The following RIN3 variants were observed in gnomAD, a reference collection of about 807,000 sequenced individuals.
RIN3 encodes the protein Ras and Rab interactor 3.
RIN3 carries 54 observed loss-of-function variants against 76.3 expected under a neutral mutation model. The observed-to-expected ratio is 0.71, with a 90% confidence interval of 0.57 to 0.89. The LOEUF (loss-of-function observed/expected upper bound fraction) is 0.89, where lower values mean the gene tolerates loss of function less well. RIN3 is among the 40% of genes least tolerant of loss of function. RIN3 has a pLI of 0.00. For missense variants in RIN3, 1,256 were observed against 1,322.1 expected (o/e 0.95, Z 0.78); for synonymous variants, 576 against 564.0 (o/e 1.02, Z -0.30).
chr14:92,606,701 C>G (rs1020758853), intron 3 of RIN3, among the ~76,000 whole-genome samples: 3 of 152,072 alleles, frequency 2.0e-5, no homozygotes, highest in African/African-American at 4.8e-5. Flanking sequence ...AAAAAACCAC[C>G]ATGAGATACA....
chr14:92,535,491 A>G (rs1222656609), intron 1 of RIN3, among the ~76,000 whole-genome samples: 3 of 151,364 alleles, frequency 2.0e-5, no homozygotes, highest in Non-Finnish European at 4.4e-5. Flanking sequence ...ACTGCATTCA[A>G]TTTTATCAGT....
At chr14:92,581,397 C>G (rs1898432744) in intron 3 of RIN3, among the ~76,000 whole-genome samples, 1 of 152,192 alleles carries the variant, frequency 6.6e-6, no homozygotes, top group African/African-American at 2.4e-5. Context: ...CAGCTGTGCT[C>G]TTGAATTTCC....
chr14:92,611,867 A>C (rs1273356463), intron 3 of RIN3, among the ~76,000 whole-genome samples: 1 of 152,174 alleles, frequency 6.6e-6, no homozygotes, highest in Non-Finnish European at 1.5e-5. Context: ...GCTGTACAGG[A>C]AGCATGATGC....
At chr14:92,557,440 C>T (rs1170527424) in intron 2 of RIN3, among the ~76,000 whole-genome samples, 2 of 152,248 alleles carry the variant, frequency 1.3e-5, no homozygotes, top group Non-Finnish European at 1.5e-5. Context: ...GATGGTCTCT[C>T]CCCTGCTGTG....
At chr14:92,520,617 G>C (rs59611272) in intron 1 of RIN3, among the ~76,000 whole-genome samples, 10,096 of 152,286 alleles carry the variant, frequency 0.066, 1,131 homozygotes, top group African/African-American at 0.23. Flanking sequence ...GAGAGGGGTG[G>C]ACAGAGGGCA....
At position 92,651,885 on chromosome 14, in the gene RIN3, G is replaced by A. The variant is rs148556236; in HGVS notation, c.836G>A (p.Arg279His). 1,631 of 1,412,532 alleles carry A rather than the reference G, an allele frequency of 1.2e-3. 9 individuals are homozygous for A. The highest frequency in any genetic ancestry group is 8.1e-3 in the South Asian group (651 of 80,200). 87.5% of individuals were successfully genotyped at this position (1,412,532 alleles called of 1,614,324 possible). ...CCCACCTCCAGGTGGGCCCCACGCCGCCCACCACCCCCTCCCCCAGTGCTG... is the reference window on the plus strand; with the variant it reads ...CCCACCTCCAGGTGGGCCCCACGCCACCCACCACCCCCTCCCCCAGTGCTG... The part of the protein sequence containing the change: ...TSPTSRWAPR[R>H]PPPPPPVLPL... Residue 279 changes from arginine (R) to histidine (H), a missense_variant, in exon 6 of 10, where the codon CGC becomes CAC. Arg to His is a conservative substitution (Grantham distance 29). Coordinates refer to ENST00000216487, the MANE Select transcript of RIN3 (RefSeq NM_024832.5).
intron 1 of RIN3, among the ~76,000 whole-genome samples, chr14:92,523,640 C>T (rs889393139): frequency 6.6e-6 from 1 of 151,744 alleles, no homozygotes; most frequent in Non-Finnish European, 1.5e-5. Context: ...GCTCTTGTTT[C>T]AAGGACTAGA....
chr14:92,546,609 C>G (rs1897271608), intron 1 of RIN3, among the ~76,000 whole-genome samples: 1 of 152,164 alleles, frequency 6.6e-6, no homozygotes, highest in Non-Finnish European at 1.5e-5. Context: ...CGCGGGTGTT[C>G]AGGGAATGGG....
chr14:92,684,922 C>A, intron 8 of RIN3, 65 bp from the exon 9 acceptor site: 1 of 1,550,296 alleles, frequency 6.5e-7, no homozygotes, highest in South Asian at 1.2e-5. Flanking sequence ...TGGGGCAGGC[C>A]AAGCTCCTTG....
chr14:92,581,788 G>T (rs1884550542), intron 3 of RIN3, among the ~76,000 whole-genome samples: 1 of 152,198 alleles, frequency 6.6e-6, no homozygotes, highest in South Asian at 2.1e-4. Flanking sequence ...CAAAACTATT[G>T]CAATAAAGAC....
At chr14:92,539,988 G>C (rs1281879774) in intron 1 of RIN3, among the ~76,000 whole-genome samples, 2 of 152,226 alleles carry the variant, frequency 1.3e-5, no homozygotes, top group African/African-American at 4.8e-5. Context: ...GCCTCCACAC[G>C]TTGGGGTCAG....
At chr14:92,629,929 A>T (rs1268256399) in intron 4 of RIN3, among the ~76,000 whole-genome samples, 1 of 152,224 alleles carries the variant, frequency 6.6e-6, no homozygotes, top group Non-Finnish European at 1.5e-5. Context: ...CCACAAGGCA[A>T]AACATCAGAG....
chr14:92,519,792 T>G (rs902685781), intron 1 of RIN3, among the ~76,000 whole-genome samples: 1 of 152,218 alleles, frequency 6.6e-6, no homozygotes, highest in Non-Finnish European at 1.5e-5. Context: ...CCGTCCCTCC[T>G]GCCAGCGTGG....
At chr14:92,536,212 C>A (rs1050512740) in intron 1 of RIN3, among the ~76,000 whole-genome samples, 3 of 152,178 alleles carry the variant, frequency 2.0e-5, no homozygotes, top group Non-Finnish European at 4.4e-5. Flanking sequence ...CCCCTTTCAT[C>A]TCCCTCTGCC....
chr14:92,530,696 C>T (rs1896859924), intron 1 of RIN3, among the ~76,000 whole-genome samples: 1 of 152,098 alleles, frequency 6.6e-6, no homozygotes, highest in Non-Finnish European at 1.5e-5. Context: ...AGCCTCTGCC[C>T]TAGCCCCTGA....
At chr14:92,600,998 C>T (rs141827909) in intron 3 of RIN3, among the ~76,000 whole-genome samples, 4 of 152,292 alleles carry the variant, frequency 2.6e-5, no homozygotes, top group African/African-American at 9.6e-5. Context: ...CCAGGGGCCA[C>T]ATGTGGCTAG....
intron 5 of RIN3, 30 bp from the exon 6 acceptor site, chr14:92,651,552 T>G (rs1887420870): frequency 1.6e-6 from 2 of 1,235,120 alleles, no homozygotes; most frequent in Non-Finnish European, 2.2e-6. Flanking sequence ...TGGCACAGAC[T>G]GACCCCCTGC....
At chr14:92,588,766 C>G (rs1265873947) in intron 3 of RIN3, among the ~76,000 whole-genome samples, 1 of 152,190 alleles carries the variant, frequency 6.6e-6, no homozygotes, top group Non-Finnish European at 1.5e-5. Flanking sequence ...CTCTCCCACC[C>G]TCCCTGAAAA....
chr14:92,581,554 C>T (rs968852952), intron 3 of RIN3, among the ~76,000 whole-genome samples: 3 of 152,150 alleles, frequency 2.0e-5, no homozygotes, highest in African/African-American at 4.8e-5. Context: ...CAGGCTGGAC[C>T]AGCAGACTGT....
Sources: allele counts gnomAD v4.1 joint callset (sites outside exome capture counted in the v4.1 genomes callset), GRCh38; gene constraint gnomAD v4.1.1; transcripts MANE v1.5; gene names NCBI Gene and HGNC (gene_info 2026-07-23, HGNC 2026-07-21).